SLFN11: variants seen among roughly 807,000 people sequenced by gnomAD.
SLFN11 encodes the protein schlafen family member 11.
A neutral mutation model predicts 53.4 loss-of-function variants in SLFN11; 43 were observed. That is an observed-to-expected ratio of 0.80 (90% CI 0.63 to 1.04). The LOEUF (loss-of-function observed/expected upper bound fraction) is 1.04. Ranked by LOEUF, SLFN11 falls within the 50% of genes least tolerant of loss-of-function variation. The pLI is 0.00. For missense variants in SLFN11, 990 were observed against 1,079.1 expected (o/e 0.92, Z 1.16); for synonymous variants, 389 against 394.7 (o/e 0.99, Z 0.17).
At chr17:35,364,224 T>G (rs927012529) in intron 3 of SLFN11, among the ~76,000 whole-genome samples, 1 of 152,118 alleles carries the variant, frequency 6.6e-6, no homozygotes, top group Non-Finnish European at 1.5e-5. Context: ...TCAGTTTAGG[T>G]TGTTGATGTT....
In SLFN11 at chr17:35,353,479, T is replaced by C. The variant is rs1227396635; in HGVS notation, c.1779A>G (p.Arg593=). ...CAGGTAAGCCGTGGACAAACAACTC[T>C]CTGTTCTTGCGGAGGCTTCTGGAGA... ...EIFSRSLRKN[R]ELFVHGLPGS... is the part of the protein sequence containing the mutation. The change falls in exon 6 of 7, where the codon AGA becomes AGG. Residue 593 remains arginine (R), a synonymous_variant. Coordinates refer to ENST00000685675, the MANE Select transcript of SLFN11 (RefSeq NM_001376007.1). The C allele has an allele frequency of 5.0e-6, 8 of 1,587,852 alleles. No homozygotes were observed. Among genetic ancestry groups the C allele is most frequent in the Admixed American group, 1.7e-5 (1 of 57,202 alleles).
intron 2 of SLFN11, 173 bp from the exon 3 acceptor site, chr17:35,367,236 T>G (rs970545534): frequency 6.6e-6 from 1 of 152,132 alleles, no homozygotes; most frequent in Admixed American, 6.5e-5. Context: ...GTACAGGGAT[T>G]TCAAAGTTAA....
chr17:35,361,023 C>T lies in SLFN11; in HGVS notation c.1070-652G>A, dbSNP rs147450888. Reference sequence around the variant, plus strand: ...TGAAATCAAAGGACATTATAGAGTGCATTAACTTTTTCATGTGCTTTGGAG... The same window carrying T: ...TGAAATCAAAGGACATTATAGAGTGTATTAACTTTTTCATGTGCTTTGGAG... On this transcript the variant is annotated intron_variant, in intron 4 of 6. Coordinates refer to ENST00000685675, the MANE Select transcript of SLFN11 (RefSeq NM_001376007.1). Among the ~76,000 whole-genome samples the T allele has an allele frequency of 1.2e-3, 177 of 152,224 alleles. 1 individual carries two copies. Among genetic ancestry groups the T allele is most frequent in the African/African-American group, 4.1e-3 (171 of 41,538 alleles).
At chr17:35,372,323 G>A (rs779087209) in intron 1 of SLFN11, among the ~76,000 whole-genome samples, 2 of 152,110 alleles carry the variant, frequency 1.3e-5, no homozygotes, top group Non-Finnish European at 2.9e-5. Context: ...AAGGGTGGTA[G>A]GAGGGAAGGG....
At chr17:35,372,420 A>G (rs1181913137) in intron 1 of SLFN11, among the ~76,000 whole-genome samples, 5 of 152,126 alleles carry the variant, frequency 3.3e-5, no homozygotes, top group Non-Finnish European at 7.3e-5. Flanking sequence ...ATAGTCAATG[A>G]TAACAATTGT....
intron 1 of SLFN11, among the ~76,000 whole-genome samples, chr17:35,372,945 G>T (rs1909878518): frequency 6.6e-6 from 1 of 152,062 alleles, no homozygotes; most frequent in Non-Finnish European, 1.5e-5. Flanking sequence ...CCCCCCTCTA[G>T]ATTATAAATC....
intron 4 of SLFN11, among the ~76,000 whole-genome samples, chr17:35,360,733 C>T (rs1191095026): frequency 2.0e-5 from 3 of 152,112 alleles, no homozygotes; most frequent in African/African-American, 7.2e-5. Flanking sequence ...ACTGCCACCA[C>T]CTCTCCTGAA....
chr17:35,357,243 C>T (rs555433947), intron 5 of SLFN11, among the ~76,000 whole-genome samples: 13 of 150,574 alleles, frequency 8.6e-5, no homozygotes, highest in African/African-American at 1.9e-4. Context: ...GGTTGTGATA[C>T]GGGTTGCAAA....
At chr17:35,368,991 C>T (rs146454238) in intron 1 of SLFN11, among the ~76,000 whole-genome samples, 169 of 152,172 alleles carry the variant, frequency 1.1e-3, no homozygotes, top group African/African-American at 3.6e-3. Flanking sequence ...TAATCAGCAA[C>T]GATACCCAGG....
At chr17:35,366,327 G>C (rs1167712993) in intron 3 of SLFN11, among the ~76,000 whole-genome samples, 2 of 151,934 alleles carry the variant, frequency 1.3e-5, no homozygotes, top group Non-Finnish European at 2.9e-5. Context: ...TCAAGATTAA[G>C]AATTGTTCAA....
chr17:35,359,919 A>G, intron 5 of SLFN11: 1 of 233,540 alleles, frequency 4.3e-6, no homozygotes, highest in Non-Finnish European at 8.3e-6. Flanking sequence ...CCAATTTGTT[A>G]TGAGTGGAGT....
At chr17:35,366,299 A>G (rs1340821276) in intron 3 of SLFN11, among the ~76,000 whole-genome samples, 2 of 152,146 alleles carry the variant, frequency 1.3e-5, no homozygotes, top group Non-Finnish European at 2.9e-5. Context: ...TGAACTTTGA[A>G]ATAAAGATTA....
rs1453664678 is a variant in SLFN11, at chr17:35,363,244, A to G, written c.564T>C (p.Asp188=). The change falls in exon 4 of 7, where the codon GAT becomes GAC. Residue 188 remains aspartate, a synonymous_variant. Coordinates refer to ENST00000685675, the MANE Select transcript of SLFN11 (RefSeq NM_001376007.1). ...CTTTTTGGAAAATTAGGTCAGCAGG[A>G]TCCGAGTTTGGGTCAGCAGGATCCG... ...PNSDPADPNS[D]PADLIFQKDY... is the part of the protein sequence containing the mutation. The G allele has an allele frequency of 1.9e-6, 3 of 1,613,960 alleles. No homozygotes were observed. The highest frequency in any genetic ancestry group is 2.7e-5 in the African/African-American group (2 of 74,924).
At chr17:35,369,370 T>G (rs539671755) in intron 1 of SLFN11, among the ~76,000 whole-genome samples, 1 of 152,208 alleles carries the variant, frequency 6.6e-6, no homozygotes, top group African/African-American at 2.4e-5. Context: ...GGTCATCTCC[T>G]CTGCCTGTGG....
At chr17:35,353,200 T>G in intron 6 of SLFN11, 61 bp from the exon 7 acceptor site, 1 of 1,591,730 alleles carries the variant, frequency 6.3e-7, no homozygotes, top group Non-Finnish European at 8.5e-7. Flanking sequence ...AGAAAATAAT[T>G]GTATCATGTT....
intron 1 of SLFN11, 78 bp from the exon 2 acceptor site, chr17:35,367,778 T>C (rs924822823): frequency 2.0e-5 from 3 of 152,280 alleles, no homozygotes; most frequent in Non-Finnish European, 4.4e-5. Flanking sequence ...TGCCATTTAT[T>C]AGCTGTACGG....
chr17:35,363,895 A>C, intron 3 of SLFN11, 69 bp from the exon 4 acceptor site: 10 of 1,257,316 alleles, frequency 8.0e-6, no homozygotes, highest in Non-Finnish European at 1.1e-5. Context: ...TTTGTGTCTA[A>C]TATGTGCTGA....
chr17:35,365,798 C>G (rs771008145), intron 3 of SLFN11, among the ~76,000 whole-genome samples: 5 of 151,884 alleles, frequency 3.3e-5, no homozygotes, highest in Non-Finnish European at 7.4e-5. Context: ...AAATAATATA[C>G]AATAGAATAG....
chr17:35,364,047 G>A (rs1278380611), intron 3 of SLFN11, among the ~76,000 whole-genome samples: 3 of 151,848 alleles, frequency 2.0e-5, no homozygotes, highest in South Asian at 4.2e-4. Context: ...ATACTAAAGG[G>A]GTATCTAAAC....
Sources: allele counts gnomAD v4.1 joint callset (sites outside exome capture counted in the v4.1 genomes callset), GRCh38; gene constraint gnomAD v4.1.1; transcripts MANE v1.5; gene names NCBI Gene and HGNC (gene_info 2026-07-23, HGNC 2026-07-21).